The following MGAM variants were observed in gnomAD, a reference collection of about 807,000 sequenced individuals.
The protein encoded by MGAM is maltase-glucoamylase.
A neutral mutation model predicts 358.8 loss-of-function variants in MGAM; 253 were observed. That is an observed-to-expected ratio of 0.71 (90% confidence interval 0.64 to 0.78). The LOEUF is 0.78. Ranked by LOEUF, MGAM falls within the 30% of genes least tolerant of loss-of-function variation. The probability of loss-of-function intolerance (pLI) is 0.00; values close to 1 mark genes in which losing one functional copy is unlikely to be tolerated. For missense variants in MGAM, 3,080 were observed against 3,432.6 expected, an observed-to-expected ratio of 0.90 and a Z score of 2.57; for synonymous variants, 1,105 against 1,227.1, an observed-to-expected ratio of 0.90 and a Z score of 2.08.
chr7:142,074,213 C>T lies in MGAM; in HGVS notation c.5275+40C>T, dbSNP rs915371300. On this transcript the variant is annotated intron_variant, in intron 45 of 70. Transcript: ENST00000475668. ...AATAATGTTGCTGTTTCCCAACCTG[C>T]GCCTGTGACTTATGGTCCTTCACTC... 20 of 1,333,864 alleles carry T rather than the reference C, an allele frequency of 1.5e-5. 3 individuals carry two copies. Among genetic ancestry groups the T allele is most frequent in the African/African-American group, 2.8e-5 (2 of 72,448 alleles). 82.6% of individuals were successfully genotyped at this position (1,333,864 alleles called of 1,614,324 possible).
At chr7:142,036,127 A>G in intron 16 of MGAM, 42 bp from the exon 17 acceptor site, 1 of 1,397,274 alleles carries the variant, frequency 7.2e-7, no homozygotes. Context: ...GAGGGTGGTT[A>G]GAAGGAAGTG....
At chr7:142,069,236 C>G (rs901245127) in intron 43 of MGAM, among the ~76,000 whole-genome samples, 3 of 145,920 alleles carry the variant, frequency 2.1e-5, no homozygotes, top group African/African-American at 7.3e-5. Context: ...GTATGGGACC[C>G]AACCCTTGTG....
At chr7:142,027,820 G>A in intron 10 of MGAM, 85 bp downstream of exon 10, 1 of 1,328,864 alleles carries the variant, frequency 7.5e-7, no homozygotes, top group Non-Finnish European at 9.9e-7. Context: ...CTCTCCCTGA[G>A]TTTAATTGAT....
chr7:142,036,370 G>T, intron 17 of MGAM, 85 bp downstream of exon 17: 1 of 1,005,782 alleles, frequency 9.9e-7, no homozygotes, highest in South Asian at 1.4e-5. Context: ...GAGATCTGCT[G>T]AACCAACCTC....
chr7:142,065,028 T>C (rs1288166976), intron 37 of MGAM, among the ~76,000 whole-genome samples: 1 of 152,198 alleles, frequency 6.6e-6, no homozygotes, highest in Non-Finnish European at 1.5e-5. Flanking sequence ...CTTCACTGTG[T>C]TCCTTCTCAA....
At chr7:142,039,249 G>A (rs1808289838) in intron 19 of MGAM, among the ~76,000 whole-genome samples, 1 of 151,722 alleles carries the variant, frequency 6.6e-6, no homozygotes, top group Non-Finnish European at 1.5e-5. Flanking sequence ...GGGGTTACAG[G>A]CACCTGCCAC....
intron 19 of MGAM, 37 bp from the exon 20 acceptor site, chr7:142,040,078 A>G: frequency 2.0e-6 from 3 of 1,499,514 alleles, no homozygotes; most frequent in Non-Finnish European, 2.8e-6. Flanking sequence ...AATCCATTTT[A>G]TTTCCCTCAG....
rs1468167828 is a variant in MGAM, at chr7:142,090,438, A to G, written c.6811-1475A>G. On this transcript the variant is annotated intron_variant, in intron 57 of 70. Coordinates refer to ENST00000475668, the MANE Select transcript of MGAM (RefSeq NM_001365693.1). ...AAAGATTCTCTTTGTCAGGTTTCCT[A>G]GCTTCTACCTCCATTTCCTAACAAA... 3.6e-4 allele frequency among the ~76,000 whole-genome samples: 53 copies of G among 145,576 alleles called. 8 individuals are homozygous for G. The highest frequency in any genetic ancestry group is 6.7e-4 in the Non-Finnish European group (43 of 64,278).
At position 142,027,052 on chromosome 7, in the gene MGAM, A is replaced by G. The variant is rs868952598; in HGVS notation, c.983-63A>G. ...GTTAGTGATCCTGTGTTATTTTAAA[A>G]CTTGTAGTTACTATTCAAGAATCAA... is the stretch of plus-strand genomic sequence containing the variant. On this transcript the variant is annotated intron_variant, in intron 8 of 70. Coordinates refer to ENST00000475668, the MANE Select transcript of MGAM (RefSeq NM_001365693.1). 26 of 1,227,124 alleles carry G rather than the reference A, an allele frequency of 2.1e-5. No individual in the cohort carries two copies. In the Middle Eastern group the frequency reaches 1.5e-3, roughly 72 times the overall value. 76.0% of individuals were successfully genotyped at this position (1,227,124 alleles called of 1,614,324 possible).
chr7:142,008,940 C>T (rs189622176), intron 3 of MGAM, among the ~76,000 whole-genome samples: 27 of 152,142 alleles, frequency 1.8e-4, no homozygotes, highest in African/African-American at 5.8e-4. Context: ...AATAAAAGTG[C>T]GGTTGCCCAG....
At chr7:142,084,777 C>CA in intron 54 of MGAM, 133 bp downstream of exon 54, 4 of 1,219,918 alleles carry the variant, frequency 3.3e-6, no homozygotes, top group Non-Finnish European at 4.5e-6. Context: ...CAGTTAGCCT[C>CA]ACCCCAGCAC....
chr7:142,044,332 T>C (rs1297417443), intron 21 of MGAM, among the ~76,000 whole-genome samples: 1 of 140,634 alleles, frequency 7.1e-6, no homozygotes, highest in Non-Finnish European at 1.5e-5. Flanking sequence ...ATATATAATA[T>C]ATAATATATA....
rs780575474 is a variant in MGAM, at chr7:142,082,149, C to T, written c.6110C>T (p.Ser2037Phe). The change falls in exon 51 of 71, where the codon TCC becomes TTC. Residue 2037 changes from serine (S) to phenylalanine (F), a missense_variant. Coordinates refer to ENST00000475668, the MANE Select transcript of MGAM (RefSeq NM_001365693.1). ...GGCTTTGGGGAGACTGAGCACACGT[C>T]CTACAGGAGAGACTTGGAGTGGCAC... is the stretch of plus-strand genomic sequence containing the variant. ...LYGFGETEHT[S>F]YRRDLEWHTW... 1 of 1,555,622 alleles carries T rather than the reference C, an allele frequency of 6.4e-7. No homozygotes were observed. The highest frequency in any genetic ancestry group is 1.3e-5 in the African/African-American group (1 of 74,472).
intron 22 of MGAM, among the ~76,000 whole-genome samples, chr7:142,049,552 C>G (rs1810734071): frequency 6.6e-6 from 1 of 152,052 alleles, no homozygotes; most frequent in African/African-American, 2.4e-5. Context: ...AACCATGTAT[C>G]TCAGAAGAGA....
rs1473636948 is a variant in MGAM, at chr7:142,095,590, T to C, written c.7484T>C (p.Val2495Ala). 1.2e-5 allele frequency: 19 copies of C among 1,613,682 alleles called. No homozygotes were observed. The highest frequency in any genetic ancestry group is 6.7e-5 in the Admixed American group (4 of 60,002). Reference sequence around the variant, plus strand: ...AGACAAGACCCTGTGTCCTGGGATGTTGCTTTTGTGAATATTTCCAGAACT... The same window carrying C: ...AGACAAGACCCTGTGTCCTGGGATGCTGCTTTTGTGAATATTTCCAGAACT... The part of the protein sequence containing the change: ...TRRQDPVSWD[V>A]AFVNISRTVL... Residue 2495 changes from valine (V) to alanine (A), a missense_variant, in exon 64 of 71, where the codon GTT (valine) becomes GCT (alanine). Val to Ala is a moderately conservative substitution (Grantham distance 64). Around this residue, in one of 5 missense-constraint regions of MGAM, gnomAD observed 932 missense variants for 1,198.2 expected, o/e 0.78. Transcript: ENST00000475668.
In MGAM at chr7:142,099,638, A is replaced by G; in HGVS notation, c.7775A>G (p.Glu2592Gly). 1 of 1,613,894 alleles carries G rather than the reference A, an allele frequency of 6.2e-7. No homozygotes were observed. The highest frequency in any genetic ancestry group is 8.5e-7 in the Non-Finnish European group (1 of 1,179,850). The change falls in exon 67 of 71, where the codon GAG becomes GGG. Residue 2592 changes from glutamate (E) to glycine (G), a missense_variant. Transcript: ENST00000475668. ...GGTGTGGATATTAATGCAAGAGGAG[A>G]GTGGAAGACCTTGCCAGCCCCTCTT... ...YTGVDINARG[E>G]WKTLPAPLDH...
At chr7:142,105,404 T>C (rs4397311) in intron 70 of MGAM, among the ~76,000 whole-genome samples, 140,710 of 151,794 alleles carry the variant, frequency 0.93, 66,025 homozygotes, top group Non-Finnish European at 1. Flanking sequence ...TCTCCTGGCT[T>C]AGCCTCCCTA....
intron 21 of MGAM, among the ~76,000 whole-genome samples, chr7:142,045,144 ATCAT>A (rs1809914227): frequency 1.2e-5 from 1 of 80,446 alleles, no homozygotes; most frequent in Non-Finnish European, 2.5e-5. Flanking sequence ...TATATTATAT[ATCAT>A]ATATGTGATA....
intron 59 of MGAM, among the ~76,000 whole-genome samples, chr7:142,093,133 G>A (rs1815556341): frequency 6.8e-6 from 1 of 146,574 alleles, no homozygotes; most frequent in South Asian, 2.2e-4. Flanking sequence ...GAAATAATTG[G>A]CAAGTCAAAA....
Sources: gnomAD v4.1 joint callset for allele counts (sites outside exome capture counted in the v4.1 genomes callset) on GRCh38, gnomAD v4.1.1 for gene constraint, gnomAD v4.1.1 regional missense constraint, MANE v1.5 for transcripts, NCBI Gene and HGNC (gene_info 2026-07-23, HGNC 2026-07-21) for gene names.